The following RIMBP2 variants were observed in gnomAD, a reference collection of about 807,000 sequenced individuals.
The protein encoded by RIMBP2 is RIMS binding protein 2.
Under a neutral mutation model 118.6 loss-of-function variants are expected in RIMBP2, and 48 were observed. That is an observed-to-expected ratio of 0.40 (90% CI 0.32 to 0.51). The LOEUF is 0.51. Ranked by LOEUF, RIMBP2 falls within the 20% of genes least tolerant of loss-of-function variation. RIMBP2 has a pLI of 0.41. For missense variants in RIMBP2, 1,551 were observed against 1,768.3 expected (o/e 0.88, Z 2.20); for synonymous variants, 762 against 742.9 (o/e 1.03, Z -0.42).
chr12:130,631,596 G>C (rs1021256465), intron 1 of RIMBP2, among the ~76,000 whole-genome samples: 1 of 151,788 alleles, frequency 6.6e-6, no homozygotes. Context: ...AGGCAAAACT[G>C]CCCGCTCAAA....
intron 2 of RIMBP2, among the ~76,000 whole-genome samples, chr12:130,537,650 T>C (rs942848082): frequency 3.9e-5 from 6 of 152,190 alleles, no homozygotes; most frequent in African/African-American, 1.2e-4. Flanking sequence ...TGAGTTTCTG[T>C]TCACCTCATG....
chr12:130,622,754 G>C lies in RIMBP2; in HGVS notation c.-217+5568C>G, dbSNP rs775487977. Among the ~76,000 whole-genome samples, 52 of 152,192 alleles carry C rather than the reference G, an allele frequency of 3.4e-4. No homozygotes were observed. Among genetic ancestry groups the C allele is most frequent in the Non-Finnish European group, 6.2e-4 (42 of 68,040 alleles). On this transcript the variant is annotated intron_variant, in intron 2 of 22. Coordinates refer to ENST00000690449, the MANE Select transcript of RIMBP2 (RefSeq NM_001393629.1). This position sits in a 1 kb window ranked among gnomAD's most constrained non-coding sequence, Gnocchi z 8.5. ...CAACACTCTTGGAAATATTGGGCTA[G>C]TTGGCAGATTTAGGCAATGCCTCCA...
intron 17 of RIMBP2, among the ~76,000 whole-genome samples, chr12:130,421,691 A>ATGTGTG (rs35161782): frequency 0.021 from 3,022 of 147,274 alleles, 99 homozygotes; most frequent in African/African-American, 0.069. Flanking sequence ...CTGCATTTAT[A>ATGTGTG]TGTGTGTGTG....
rs1388067914 is a variant in RIMBP2, at chr12:130,715,987, C to T, written c.-352+235G>A. Among the ~76,000 whole-genome samples, 4 of 152,242 alleles carry T rather than the reference C, an allele frequency of 2.6e-5. No homozygotes were observed. In the East Asian group the frequency reaches 7.8e-4, roughly 30 times the overall value. On this transcript the variant is annotated intron_variant, in intron 1 of 22. Coordinates refer to ENST00000690449, the MANE Select transcript of RIMBP2 (RefSeq NM_001393629.1). The stretch of plus-strand genomic sequence containing the variant: ...GCCCGTCAGCCCTTCCCTTCCGAGA[C>T]GATCCTGAATTCCAAGCAGCACCGA...
intron 2 of RIMBP2, among the ~76,000 whole-genome samples, chr12:130,533,259 G>T (rs1742560298): frequency 6.6e-6 from 1 of 152,134 alleles, no homozygotes; most frequent in Non-Finnish European, 1.5e-5. Context: ...TAGAAAAGTG[G>T]GGAGTGTCAA....
At chr12:130,528,719 T>C (rs964078649) in intron 2 of RIMBP2, among the ~76,000 whole-genome samples, 2 of 152,340 alleles carry the variant, frequency 1.3e-5, no homozygotes, top group East Asian at 3.9e-4. Flanking sequence ...TTGCTTCATA[T>C]TGGTCAGTAT....
intron 19 of RIMBP2, among the ~76,000 whole-genome samples, chr12:130,408,767 A>G (rs1012206394): frequency 2.0e-5 from 3 of 152,212 alleles, no homozygotes; most frequent in Non-Finnish European, 4.4e-5. Flanking sequence ...TTTTGCTTAC[A>G]TTTGATTTGG....
chr12:130,466,684 G>C (rs982960641), intron 6 of RIMBP2, among the ~76,000 whole-genome samples: 5 of 152,194 alleles, frequency 3.3e-5, no homozygotes, highest in East Asian at 3.9e-4. Flanking sequence ...TGCACACACA[G>C]AGATTCCTTG....
intron 3 of RIMBP2, among the ~76,000 whole-genome samples, chr12:130,510,630 G>A (rs1213496722): frequency 6.6e-6 from 1 of 152,042 alleles, no homozygotes; most frequent in Admixed American, 6.5e-5. Flanking sequence ...CACCATGCCT[G>A]GCTAATTTTT....
At chr12:130,605,755 A>G (rs1350535159) in intron 2 of RIMBP2, among the ~76,000 whole-genome samples, 1 of 152,044 alleles carries the variant, frequency 6.6e-6, no homozygotes, top group Non-Finnish European at 1.5e-5. Flanking sequence ...TATGCTTTCA[A>G]TTTTTCATAA....
chr12:130,525,939 G>A lies in RIMBP2; in HGVS notation c.-216-8022C>T, dbSNP rs1166425232. Among the ~76,000 whole-genome samples, 1 of 152,120 alleles carries A rather than the reference G, an allele frequency of 6.6e-6. No homozygotes were observed. The highest frequency in any genetic ancestry group is 1.9e-4 in the East Asian group (1 of 5,176). On this transcript the variant is annotated intron_variant, in intron 2 of 22. Transcript: ENST00000690449. The surrounding 1 kb of genome is among the most constrained non-coding windows in gnomAD (Gnocchi z 4.4). ...GAGCAGCCTCCCCCGAGCATGTGGA[G>A]GGGTGGGACTCAAGCCCGGGCTGTG...
In RIMBP2 at chr12:130,450,417, G is replaced by A. The variant is rs949290221; in HGVS notation, c.505-141C>T. On this transcript the variant is annotated intron_variant, in intron 8 of 22. Transcript: ENST00000690449. The surrounding 1 kb of genome is among the most constrained non-coding windows in gnomAD (Gnocchi z 4.8). ...GACTGTGGCACTCCCAGGAGGCACT[G>A]CCACCCGCACACCCACATGCGAGCT... 2.0e-5 allele frequency: 13 copies of A among 665,394 alleles called. No individual in the cohort carries two copies. The African/African-American group carries it at 2.0e-4, about 10-fold the overall frequency. The allele number at this position is 665,394 out of a possible 1,614,324, so 41.2% of individuals were successfully genotyped here. A position where few individuals can be genotyped will look rare whatever the true frequency, so the allele number is the denominator to read the frequency against.
At chr12:130,652,723 G>A (rs1266616032) in intron 1 of RIMBP2, among the ~76,000 whole-genome samples, 2 of 152,154 alleles carry the variant, frequency 1.3e-5, no homozygotes, top group Non-Finnish European at 2.9e-5. Flanking sequence ...ATTGGCTCAT[G>A]GTTCTGCAGG....
At chr12:130,465,159 C>T (rs1347073343) in intron 6 of RIMBP2, 2 of 152,366 alleles carry the variant, frequency 1.3e-5, no homozygotes, top group South Asian at 2.1e-4. Context: ...GGGAGGTAGA[C>T]CTCAGCCTGC....
chr12:130,600,661 CAG>C (rs1290343858), intron 2 of RIMBP2, among the ~76,000 whole-genome samples: 1 of 152,222 alleles, frequency 6.6e-6, no homozygotes, highest in African/African-American at 2.4e-5. Flanking sequence ...CCCCTCTGCC[CAG>C]AGACATTCCA....
At chr12:130,499,199 GC>G (rs1200592482) in intron 4 of RIMBP2, among the ~76,000 whole-genome samples, 4 of 152,090 alleles carry the variant, frequency 2.6e-5, no homozygotes, top group Admixed American at 6.5e-5. Context: ...GGAGAAATCT[GC>G]CCCCATGATC....
chr12:130,709,702 G>C (rs1394195146), intron 1 of RIMBP2, among the ~76,000 whole-genome samples: 1 of 152,066 alleles, frequency 6.6e-6, no homozygotes, highest in African/African-American at 2.4e-5. Flanking sequence ...TCGGTAATAA[G>C]CATGAAGAAT....
intron 14 of RIMBP2, chr12:130,432,396 TAC>T (rs1459560020): frequency 2.3e-6 from 1 of 439,700 alleles, no homozygotes; most frequent in East Asian, 7.1e-5. Flanking sequence ...TGTCATGTAA[TAC>T]ACAGAAAGCC....
chr12:130,470,011 G>T (rs1835996331), intron 6 of RIMBP2, among the ~76,000 whole-genome samples: 2 of 152,240 alleles, frequency 1.3e-5, no homozygotes, highest in South Asian at 4.1e-4. Flanking sequence ...TCCCAAGGAG[G>T]CTGGCATTGG....
Sources: gnomAD v4.1 joint callset for allele counts (sites outside exome capture counted in the v4.1 genomes callset) on GRCh38, gnomAD v4.1.1 for gene constraint, Gnocchi (gnomAD v3.1) non-coding constraint, MANE v1.5 for transcripts, NCBI Gene and HGNC (gene_info 2026-07-23, HGNC 2026-07-21) for gene names.